The following SLC17A5 variants were observed in gnomAD, a reference collection of about 807,000 sequenced individuals.
The protein encoded by SLC17A5 is solute carrier family 17 member 5, also known as sialin.
Under a neutral mutation model 59.4 loss-of-function variants are expected in SLC17A5, and 47 were observed. The observed-to-expected ratio is 0.79, with a 90% CI of 0.63 to 1.01. The LOEUF is 1.01. Among genes scored for constraint, SLC17A5 ranks in the 50% least tolerant of loss-of-function variants. The pLI, the probability that SLC17A5 is intolerant of heterozygous loss-of-function variation, is 0.00. For synonymous variants in SLC17A5, 202 were observed against 210.7 expected, an observed-to-expected ratio of 0.96 and a Z score of 0.36; for missense variants, 522 against 595.5, an observed-to-expected ratio of 0.88 and a Z score of 1.28.
chr6:73,628,128 A>C (rs867202836), intron 6 of SLC17A5, among the ~76,000 whole-genome samples: 21 of 152,084 alleles, frequency 1.4e-4, no homozygotes, highest in African/African-American at 4.6e-4. Flanking sequence ...TATGTTGCCC[A>C]GGCAGGTCTC....
intron 2 of SLC17A5, 68 bp downstream of exon 2, chr6:73,644,339 C>A: frequency 7.9e-7 from 1 of 1,261,566 alleles, no homozygotes. Flanking sequence ...GAAAAAAGAC[C>A]TTTTAATATT....
intron 1 of SLC17A5, among the ~76,000 whole-genome samples, chr6:73,651,385 G>A (rs991700302): frequency 2.1e-5 from 3 of 146,094 alleles, no homozygotes; most frequent in Non-Finnish European, 4.5e-5. Context: ...CACTTGAACC[G>A]GGGAGGCTGA....
chr6:73,636,760 A>C (rs187397338), intron 4 of SLC17A5, 53 bp from the exon 5 acceptor site: 1 of 1,274,304 alleles, frequency 7.8e-7, no homozygotes, highest in African/African-American at 1.5e-5. Flanking sequence ...AAACAAGGAT[A>C]GGACAGACAA....
chr6:73,653,698 G>A lies in SLC17A5; in HGVS notation c.94+95C>T, dbSNP rs113203791. The A allele has an allele frequency of 4.0e-3, 5,207 of 1,290,816 alleles. 10 individuals are homozygous for A. Among genetic ancestry groups the A allele is most frequent in the Non-Finnish European group, 4.9e-3 (4,517 of 922,540 alleles). 80.0% of individuals were successfully genotyped at this position (1,290,816 alleles called of 1,614,324 possible). A position where few individuals can be genotyped will look rare whatever the true frequency, so the allele number is the denominator to read the frequency against. The stretch of plus-strand genomic sequence containing the variant: ...CGCCTGAGCAGCTCCGGTCCCGCCG[G>A]CGCAGGGTGCGGGTACCCGGGCCAT... On this transcript the variant is annotated intron_variant, in intron 1 of 10. Coordinates refer to ENST00000355773, the MANE Select transcript of SLC17A5 (RefSeq NM_012434.5).
intron 3 of SLC17A5, among the ~76,000 whole-genome samples, chr6:73,639,423 A>G (rs1359920168): frequency 6.6e-6 from 1 of 152,198 alleles, no homozygotes; most frequent in Non-Finnish European, 1.5e-5. Flanking sequence ...AAACAAAAAC[A>G]AAAGGAATTA....
Position 73,595,048 on chromosome 6 carries a change from A to T in SLC17A5, c.*29T>A, listed in dbSNP as rs1266601438. The stretch of plus-strand genomic sequence containing the variant: ...GTTACATGATAAATAAAAATACATT[A>T]ATAGAGGCAGGATTATTTATTGGTT... On this transcript the variant is annotated 3_prime_UTR_variant, in exon 11 of 11. Transcript: ENST00000355773. The T allele has an allele frequency of 1.2e-6, 2 of 1,612,720 alleles. No homozygotes were observed. The highest frequency in any genetic ancestry group is 4.5e-5 in the East Asian group (2 of 44,848).
chr6:73,641,075 A>G (rs1306002882), intron 3 of SLC17A5, among the ~76,000 whole-genome samples: 2 of 152,132 alleles, frequency 1.3e-5, no homozygotes, highest in Non-Finnish European at 2.9e-5. Context: ...AAGGATGGTC[A>G]ATCTTAACCA....
At chr6:73,626,840 C>T (rs986605875) in intron 6 of SLC17A5, among the ~76,000 whole-genome samples, 19 of 152,232 alleles carry the variant, frequency 1.2e-4, no homozygotes, top group South Asian at 1.0e-3. Context: ...GGAGCGATCT[C>T]GGCTCACTAC....
rs573692943 is a variant in SLC17A5, at chr6:73,617,468, T to C, written c.979-2021A>G. 1.3e-3 allele frequency among the ~76,000 whole-genome samples: 196 copies of C among 152,332 alleles called. 1 individual carries two copies. Among genetic ancestry groups the C allele is most frequent in the African/African-American group, 4.6e-3 (193 of 41,572 alleles). On this transcript the variant is annotated intron_variant, in intron 7 of 10. Transcript: ENST00000355773. ...CTGTAGTAAATCAGATAAGTGAATT[T>C]TCTGATCTTGATTTTGTTTCCTGGT...
intron 2 of SLC17A5, among the ~76,000 whole-genome samples, chr6:73,643,193 G>A (rs1022039440): frequency 3.3e-5 from 5 of 150,874 alleles, no homozygotes; most frequent in African/African-American, 7.3e-5. Flanking sequence ...ACGGAATCTC[G>A]CTGTGGCCCA....
chr6:73,622,124 A>T (rs1244662991), intron 6 of SLC17A5, among the ~76,000 whole-genome samples, 162 bp from the exon 7 acceptor site: 1 of 152,212 alleles, frequency 6.6e-6, no homozygotes, highest in Non-Finnish European at 1.5e-5. Flanking sequence ...ATAGCAAAAT[A>T]CATGATAAAT....
intron 8 of SLC17A5, among the ~76,000 whole-genome samples, chr6:73,611,436 T>C (rs1691345): frequency 0.47 from 71,979 of 151,902 alleles, 17,614 homozygotes; most frequent in African/African-American, 0.58. Context: ...TGGGCCACCA[T>C]ACCCAGCTAA....
chr6:73,651,460 CAA>C (rs538079302), intron 1 of SLC17A5, among the ~76,000 whole-genome samples: 1,578 of 29,744 alleles, frequency 0.053, 12 homozygotes, highest in African/African-American at 0.13. Flanking sequence ...AACTCCGTCT[CAA>C]AAAAAAAAAA....
chr6:73,616,144 A>C (rs9442931), intron 7 of SLC17A5, among the ~76,000 whole-genome samples: 58,362 of 151,760 alleles, frequency 0.38, 12,365 homozygotes, highest in African/African-American at 0.57. Context: ...TTGGCCTCCC[A>C]AAGTACTGGG....
Position 73,595,108 on chromosome 6 carries a change from G to T in SLC17A5, c.1457C>A (p.Ala486Asp). 5.0e-6 allele frequency: 8 copies of T among 1,614,060 alleles called. No individual in the cohort carries two copies. The highest frequency in any genetic ancestry group is 6.8e-6 in the Non-Finnish European group (8 of 1,180,006). ...LFAKGEVQNWALNDHHGHRH is the reference protein window; with the variant it reads ...LFAKGEVQNWDLNDHHGHRH The stretch of plus-strand genomic sequence containing the variant: ...TCTGTGTCCATGGTGATCATTGAGA[G>T]CCCAGTTTTGTACTTCACCTTTGGC... The change falls in exon 11 of 11, where the codon GCT becomes GAT. Residue 486 changes from alanine to aspartate, a missense_variant. By Grantham distance (126) the Ala-to-Asp change is moderately radical. Transcript: ENST00000355773.
Position 73,644,518 on chromosome 6 carries a change from C to CA in SLC17A5, c.179dup (p.Ser61GlufsTer17). 5 of 1,614,026 alleles carry CA rather than the reference C, an allele frequency of 3.1e-6. No homozygotes were observed. Among genetic ancestry groups the CA allele is most frequent in the Non-Finnish European group, 4.2e-6 (5 of 1,179,922 alleles). On this transcript the variant is annotated frameshift_variant, in exon 2 of 11. Coordinates refer to ENST00000355773, the MANE Select transcript of SLC17A5 (RefSeq NM_012434.5). LOFTEE classifies it high-confidence loss of function. Reference sequence around the variant, plus strand: ...CTACCATATCCACTAACGCAACACTCAGATTCACACGTAATGCATACACAA... The same window carrying CA: ...CTACCATATCCACTAACGCAACACTCAAGATTCACACGTAATGCATACACAA...
chr6:73,613,336 A>C (rs1302537128), intron 8 of SLC17A5, among the ~76,000 whole-genome samples: 2 of 151,924 alleles, frequency 1.3e-5, no homozygotes, highest in Non-Finnish European at 2.9e-5. Flanking sequence ...TTTTAAAAAT[A>C]ATTATAAGCC....
chr6:73,602,200 C>T (rs368580205), intron 9 of SLC17A5, among the ~76,000 whole-genome samples: 12 of 147,836 alleles, frequency 8.1e-5, no homozygotes, highest in African/African-American at 7.6e-5. Flanking sequence ...GGATTAAGGG[C>T]GGTGCAAGAT....
chr6:73,635,397 TGAAA>T lies in SLC17A5; in HGVS notation c.800_803del (p.Leu267HisfsTer3). 1 of 1,566,514 alleles carries T rather than the reference TGAAA, an allele frequency of 6.4e-7. No homozygotes were observed. Among genetic ancestry groups the T allele is most frequent in the Non-Finnish European group, 8.8e-7 (1 of 1,138,446 alleles). On this transcript the variant is annotated frameshift_variant, in exon 6 of 11. Transcript: ENST00000355773. LOFTEE classifies it high-confidence loss of function. ...AAGTCCATACCTGATTTCTTAATGA[TGAAA>T]GAATGTATTCCTTTTCATAATGGGA...
Sources: gnomAD v4.1 joint callset for allele counts (sites outside exome capture counted in the v4.1 genomes callset) on GRCh38, gnomAD v4.1.1 for gene constraint, MANE v1.5 for transcripts, NCBI Gene and HGNC (gene_info 2026-07-23, HGNC 2026-07-21) for gene names.